The following SETBP1 variants were observed in gnomAD, a reference collection of about 807,000 sequenced individuals.
The protein encoded by SETBP1 is SET-binding protein.
Under a neutral mutation model 101.0 loss-of-function variants are expected in SETBP1, and 9 were observed. The observed-to-expected ratio is 0.09, with a 90% CI of 0.05 to 0.16. The LOEUF is 0.16. SETBP1 is among the 10% of genes least tolerant of loss of function. The pLI is 1.00. For synonymous variants in SETBP1, 818 were observed against 788.5 expected, an observed-to-expected ratio of 1.04 and a Z score of -0.63; for missense variants, 1,858 against 2,033.8, an observed-to-expected ratio of 0.91 and a Z score of 1.66.
intron 4 of SETBP1, among the ~76,000 whole-genome samples, chr18:45,000,702 T>C (rs2072598620): frequency 6.6e-6 from 1 of 152,010 alleles, no homozygotes; most frequent in Admixed American, 6.6e-5. Flanking sequence ...GCAGAGAAGT[T>C]GTAAGGGAAT....
At chr18:44,927,005 A>G (rs1263682624) in intron 3 of SETBP1, among the ~76,000 whole-genome samples, 1 of 152,126 alleles carries the variant, frequency 6.6e-6, no homozygotes, top group East Asian at 1.9e-4. Context: ...ACTGTCAGGG[A>G]AAGTAGGAGG....
intron 3 of SETBP1, among the ~76,000 whole-genome samples, chr18:44,890,000 T>A (rs192291930): frequency 9.2e-5 from 14 of 152,324 alleles, no homozygotes; most frequent in African/African-American, 3.1e-4. Flanking sequence ...TACGACATGA[T>A]GTTTTGATAT....
intron 3 of SETBP1, among the ~76,000 whole-genome samples, chr18:44,918,811 G>T (rs1394144211): frequency 6.6e-6 from 1 of 152,190 alleles, no homozygotes; most frequent in Non-Finnish European, 1.5e-5. Flanking sequence ...TAAATCTGAG[G>T]TGATGATCTT....
intron 4 of SETBP1, among the ~76,000 whole-genome samples, chr18:45,034,907 C>A (rs1308296827): frequency 6.6e-6 from 1 of 152,162 alleles, no homozygotes; most frequent in Admixed American, 6.5e-5. Flanking sequence ...AAGGTTAAAT[C>A]TGGGTTTCTT....
chr18:44,884,102 A>G (rs1448627283), intron 3 of SETBP1, among the ~76,000 whole-genome samples: 2 of 152,194 alleles, frequency 1.3e-5, no homozygotes, highest in African/African-American at 4.8e-5. Flanking sequence ...ATCTCTGGAT[A>G]CTTTAAGTAG....
At chr18:44,823,328 A>T (rs1456112091) in intron 2 of SETBP1, among the ~76,000 whole-genome samples, 1 of 152,246 alleles carries the variant, frequency 6.6e-6, no homozygotes, top group Non-Finnish European at 1.5e-5. Context: ...GATACTAGTG[A>T]AAAAGATCCA....
chr18:44,953,263 C>G lies in SETBP1; in HGVS notation c.3923C>G (p.Thr1308Arg). The G allele has an allele frequency of 6.2e-7, 1 of 1,614,040 alleles. No individual in the cohort carries two copies. The highest frequency in any genetic ancestry group is 1.1e-5 in the South Asian group (1 of 91,064). ...SKRRSYEGFG[T>R]YREKDIQAFK... is the part of the protein sequence containing the mutation. ...AGGAGGAGCTATGAAGGCTTTGGAACGTACAGGGAAAAGGACATCCAAGCC... is the reference window on the plus strand; with the variant it reads ...AGGAGGAGCTATGAAGGCTTTGGAAGGTACAGGGAAAAGGACATCCAAGCC... The change falls in exon 4 of 6, where the codon ACG (threonine) becomes AGG (arginine). Residue 1308 changes from threonine (T) to arginine (R), a missense_variant. Coordinates refer to ENST00000649279, the MANE Select transcript of SETBP1 (RefSeq NM_015559.3).
intron 5 of SETBP1, among the ~76,000 whole-genome samples, chr18:45,056,997 T>C (rs138758218): frequency 2.2e-3 from 336 of 152,310 alleles, no homozygotes; most frequent in African/African-American, 7.8e-3. Flanking sequence ...TAGTCATGTT[T>C]TCAAAGAAAC....
At chr18:44,716,075 AT>A (rs1021814551) in intron 2 of SETBP1, among the ~76,000 whole-genome samples, 5 of 151,660 alleles carry the variant, frequency 3.3e-5, no homozygotes, top group Non-Finnish European at 4.4e-5. Context: ...CTTTCAGAAG[AT>A]TTTTTTTTAA....
intron 4 of SETBP1, among the ~76,000 whole-genome samples, chr18:44,954,347 A>T (rs905890922): frequency 9.9e-5 from 15 of 151,686 alleles, no homozygotes; most frequent in Admixed American, 6.6e-5. Context: ...AAAAAAAAAA[A>T]AAAAAAACAG....
chr18:44,788,562 C>T lies in SETBP1; in HGVS notation c.487-80668C>T, dbSNP rs565008029. ...AGCCTGGCCTTGCTCATATAATAGT[C>T]TGTGCAGGCTCAAGACCTTATCTTT... On this transcript the variant is annotated intron_variant, in intron 2 of 5. Transcript: ENST00000649279. Among the ~76,000 whole-genome samples the T allele has an allele frequency of 6.1e-4, 93 of 152,248 alleles. 1 individual carries two copies. Among genetic ancestry groups the T allele is most frequent in the African/African-American group, 2.1e-3 (89 of 41,534 alleles).
rs1360698875 is a variant in SETBP1, at chr18:44,952,110, G to A, written c.2770G>A (p.Val924Met). 1.9e-6 allele frequency: 3 copies of A among 1,614,088 alleles called. No individual in the cohort carries two copies. The highest frequency in any genetic ancestry group is 3.3e-5 in the Admixed American group (2 of 60,010). The change falls in exon 4 of 6, where the codon GTG (valine) becomes ATG (methionine). Residue 924 changes from valine (V) to methionine (M), a missense_variant. Val to Met is a conservative substitution (Grantham distance 21). This residue lies in a region of SETBP1 where 255 missense variants were observed against 300.1 expected (regional missense o/e 0.85). Transcript: ENST00000649279. ...RHGHRQKHLI[V>M]DNFLAHESLK... ...TGGCCACCGGCAAAAGCATCTCATT[G>A]TGGACAACTTTCTGGCCCACGAAAG...
chr18:44,891,874 G>A (rs1399930615), intron 3 of SETBP1, among the ~76,000 whole-genome samples: 1 of 152,028 alleles, frequency 6.6e-6, no homozygotes, highest in Non-Finnish European at 1.5e-5. Flanking sequence ...CTTGAAATAG[G>A]AACTGTAAAA....
At chr18:44,960,589 C>T (rs139621689) in intron 4 of SETBP1, among the ~76,000 whole-genome samples, 2 of 152,230 alleles carry the variant, frequency 1.3e-5, no homozygotes, top group African/African-American at 4.8e-5. Flanking sequence ...AGTGATCCTC[C>T]CTCCTCCACC....
At chr18:44,682,841 G>C (rs2068781351) in intron 1 of SETBP1, among the ~76,000 whole-genome samples, 1 of 152,162 alleles carries the variant, frequency 6.6e-6, no homozygotes, top group Non-Finnish European at 1.5e-5. Context: ...TTGGGAAGTT[G>C]AGTTGGTGTT....
chr18:44,700,491 TGAA>T (rs2069097279), intron 1 of SETBP1, among the ~76,000 whole-genome samples: 1 of 152,176 alleles, frequency 6.6e-6, no homozygotes, highest in African/African-American at 2.4e-5. Flanking sequence ...AAACATTTGT[TGAA>T]GTTGTTTTCC....
At chr18:44,983,933 G>A (rs927708806) in intron 4 of SETBP1, among the ~76,000 whole-genome samples, 87 of 152,246 alleles carry the variant, frequency 5.7e-4, no homozygotes, top group African/African-American at 2.0e-3. Flanking sequence ...GCCAGGTGCA[G>A]TGGCTCATGC....
rs180886096 is a variant in SETBP1, at chr18:44,827,279, C to T, written c.487-41951C>T. Among the ~76,000 whole-genome samples the T allele has an allele frequency of 1.2e-4, 18 of 152,274 alleles. 1 individual carries two copies. The highest frequency in any genetic ancestry group is 3.6e-4 in the African/African-American group (15 of 41,558). ...GCAAAACAAAAACAAAAGCTTGTGA[C>T]GATGGTGGGACAGTTGGATTCTAAC... On this transcript the variant is annotated intron_variant, in intron 2 of 5. Transcript: ENST00000649279.
At position 45,065,620 on chromosome 18, in the gene SETBP1, A is replaced by G. The variant is rs190452303; in HGVS notation, c.*1922A>G. On this transcript the variant is annotated 3_prime_UTR_variant, in exon 6 of 6. Coordinates refer to ENST00000649279, the MANE Select transcript of SETBP1 (RefSeq NM_015559.3). ...GTTATGGCACCAAGAGTTGGTTGAAATTACCCACGTAGTCATACTCCTGTG... is the reference window on the plus strand; with the variant it reads ...GTTATGGCACCAAGAGTTGGTTGAAGTTACCCACGTAGTCATACTCCTGTG... 3 of 152,340 alleles carry G rather than the reference A, an allele frequency of 2.0e-5. No homozygotes were observed. Among genetic ancestry groups the G allele is most frequent in the Non-Finnish European group, 4.4e-5 (3 of 68,036 alleles). 9.4% of individuals were successfully genotyped at this position (152,340 alleles called of 1,614,324 possible).
Sources: gnomAD v4.1 joint callset for allele counts (sites outside exome capture counted in the v4.1 genomes callset) on GRCh38, gnomAD v4.1.1 for gene constraint, gnomAD v4.1.1 regional missense constraint, MANE v1.5 for transcripts, NCBI Gene and HGNC (gene_info 2026-07-23, HGNC 2026-07-21) for gene names.